Variants in ENTPD1 observed in about 807,000 individuals in gnomAD.
ENTPD1 encodes ATP diphosphohydrolase.
In ENTPD1, 33 loss-of-function variants were observed where a neutral mutation model predicts 57.0. The observed-to-expected ratio is 0.58, with a 90% CI of 0.44 to 0.77. ENTPD1 has a LOEUF of 0.77. ENTPD1 is among the 30% of genes least tolerant of loss of function. The pLI, the probability that ENTPD1 is intolerant of heterozygous loss-of-function variation, is 0.00. For missense variants in ENTPD1, 501 were observed against 603.4 expected, an observed-to-expected ratio of 0.83 and a Z score of 1.78; for synonymous variants, 202 against 218.8, an observed-to-expected ratio of 0.92 and a Z score of 0.68.
chr10:95,799,076 T>G (rs1015200152), intron 1 of ENTPD1, among the ~76,000 whole-genome samples: 1 of 152,214 alleles, frequency 6.6e-6, no homozygotes, highest in Admixed American at 6.5e-5. Context: ...AAGAATCATG[T>G]GAAACCAAAC....
At position 95,873,325 on chromosome 10, in the gene ENTPD1, A is replaced by G; in HGVS notation, c.*6942A>G. ...TATTTACAAAGCTCACTCCTCTTAT[A>G]CAACAATCCAAGTGTTTCTTTTGTC... On this transcript the variant is annotated 3_prime_UTR_variant, in exon 10 of 10. Transcript: ENST00000371205. 1 of 985,434 alleles carries G rather than the reference A, an allele frequency of 1.0e-6. No individual in the cohort carries two copies. The highest frequency in any genetic ancestry group is 1.2e-6 in the Non-Finnish European group (1 of 829,956). The allele number at this position is 985,434 out of a possible 1,614,324, so 61.0% of individuals were successfully genotyped here.
rs997120114 is a variant in ENTPD1, at chr10:95,869,969, C to T, written c.*3586C>T. On this transcript the variant is annotated 3_prime_UTR_variant, in exon 10 of 10. Transcript: ENST00000371205. Reference sequence around the variant, plus strand: ...GACAGCACATGTCCAAAAAAATACACGTAAAGTTAAAGTTTAAAAGACACA... The same window carrying T: ...GACAGCACATGTCCAAAAAAATACATGTAAAGTTAAAGTTTAAAAGACACA... 2.4e-5 allele frequency: 24 copies of T among 985,402 alleles called. No homozygotes were observed. The South Asian group carries it at 5.2e-4, about 21-fold the overall frequency. The allele number at this position is 985,402 out of a possible 1,614,324, so 61.0% of individuals were successfully genotyped here.
chr10:95,844,501 AG>A lies in ENTPD1; in HGVS notation c.442del (p.Val148PhefsTer51), dbSNP rs2098429918. The A allele has an allele frequency of 1.9e-6, 3 of 1,614,062 alleles. No homozygotes were observed. The highest frequency in any genetic ancestry group is 1.7e-5 in the Admixed American group (1 of 60,004). On this transcript the variant is annotated frameshift_variant, in exon 5 of 10. Coordinates refer to ENST00000371205, the MANE Select transcript of ENTPD1 (RefSeq NM_001776.6). LOFTEE classifies it high-confidence loss of function. ...LRMESEELAD[R>X]VLDVVERSLS... ...GATGGAAAGTGAAGAGTTGGCAGACAGGGTTCTGGATGTGGTGGAGAGGAGC... is the reference window on the plus strand; with the variant it reads ...GATGGAAAGTGAAGAGTTGGCAGACAGGTTCTGGATGTGGTGGAGAGGAGC...
chr10:95,820,713 G>A (rs190241260), intron 1 of ENTPD1, among the ~76,000 whole-genome samples: 12 of 152,160 alleles, frequency 7.9e-5, no homozygotes, highest in African/African-American at 2.2e-4. Flanking sequence ...CAATTCTACC[G>A]CAAGTCACTC....
At chr10:95,819,249 G>A (rs1234133066) in intron 1 of ENTPD1, among the ~76,000 whole-genome samples, 2 of 151,990 alleles carry the variant, frequency 1.3e-5, no homozygotes, top group Non-Finnish European at 2.9e-5. Flanking sequence ...CTACAACCTC[G>A]GTGTCCTGGG....
At chr10:95,831,323 C>T (rs2098396093) in intron 2 of ENTPD1, among the ~76,000 whole-genome samples, 1 of 152,186 alleles carries the variant, frequency 6.6e-6, no homozygotes, top group South Asian at 2.1e-4. Context: ...TAGAGTACAA[C>T]ACAACATGGG....
intron 2 of ENTPD1, 116 bp from the exon 3 acceptor site, chr10:95,839,575 T>C (rs2098418314): frequency 9.8e-7 from 1 of 1,023,968 alleles, no homozygotes; most frequent in South Asian, 1.3e-5. Context: ...CCCCTCAATG[T>C]TCCTCTCAAA....
intron 2 of ENTPD1, among the ~76,000 whole-genome samples, chr10:95,828,709 ATTTTT>A (rs5787162): frequency 7.6e-6 from 1 of 132,144 alleles, no homozygotes; most frequent in Admixed American, 7.8e-5. Context: ...GGTTATCCCC[ATTTTT>A]TTTTTTTTTT....
intron 2 of ENTPD1, among the ~76,000 whole-genome samples, chr10:95,827,454 C>CAA (rs544722117): frequency 2.1e-5 from 3 of 142,188 alleles, no homozygotes; most frequent in African/African-American, 5.1e-5. Context: ...GACTCTGTCT[C>CAA]AAAAAAAAAA....
chr10:95,845,717 C>A (rs1323645492), intron 6 of ENTPD1, 121 bp downstream of exon 6: 2 of 1,563,834 alleles, frequency 1.3e-6, no homozygotes, highest in East Asian at 2.3e-5. Flanking sequence ...CTTTCCAAAC[C>A]TTTTTAGGCA....
chr10:95,756,360 G>T lies in ENTPD1; in HGVS notation c.16+105G>T, dbSNP rs548342546. On this transcript the variant is annotated intron_variant, in intron 1 of 9. Coordinates refer to ENST00000371205, the MANE Select transcript of ENTPD1 (RefSeq NM_001776.6). ...AGTACTTGAAAGCTGGAGGCAAAAAGCCCTGAATGAACTTTCCCACCCTCT... is the reference window on the plus strand; with the variant it reads ...AGTACTTGAAAGCTGGAGGCAAAAATCCCTGAATGAACTTTCCCACCCTCT... The T allele has an allele frequency of 8.5e-6, 11 of 1,298,008 alleles. No homozygotes were observed. In the East Asian group the frequency reaches 2.8e-4, roughly 33 times the overall value. 80.4% of individuals were successfully genotyped at this position (1,298,008 alleles called of 1,614,324 possible). A position where few individuals can be genotyped will look rare whatever the true frequency, so the allele number is the denominator to read the frequency against.
At chr10:95,804,616 A>G (rs1427681178) in intron 1 of ENTPD1, among the ~76,000 whole-genome samples, 3 of 152,228 alleles carry the variant, frequency 2.0e-5, no homozygotes, top group African/African-American at 4.8e-5. Flanking sequence ...TAAATATACA[A>G]TCATGTCATC....
chr10:95,703,817 G>A, the ENTPD1 span, among the ~76,000 whole-genome samples: 2 of 144,590 alleles, frequency 1.4e-5, no homozygotes, highest in South Asian at 2.3e-4. Context: ...CTGACTGGGC[G>A]CAGTGGCTCA....
At chr10:95,762,030 AAAT>A (rs2098065809) in intron 1 of ENTPD1, among the ~76,000 whole-genome samples, 1 of 152,180 alleles carries the variant, frequency 6.6e-6, no homozygotes, top group African/African-American at 2.4e-5. Context: ...TGTGAAGAGA[AAAT>A]AAGTTGTTGG....
intron 1 of ENTPD1, among the ~76,000 whole-genome samples, chr10:95,788,717 G>A (rs367764907): frequency 9.9e-5 from 15 of 152,082 alleles, no homozygotes; most frequent in Admixed American, 3.9e-4. Context: ...TGAGAAAAGC[G>A]AAAAGCAGTT....
chr10:95,709,903 G>A (rs1232012550), upstream of ENTPD1, among the ~76,000 whole-genome samples: 1 of 151,460 alleles, frequency 6.6e-6, no homozygotes, highest in Non-Finnish European at 1.5e-5. Context: ...CCCCCCACCA[G>A]TAGCTGGGAT....
upstream of ENTPD1, chr10:95,755,752 C>T: frequency 2.6e-6 from 4 of 1,537,072 alleles, no homozygotes; most frequent in Non-Finnish European, 3.5e-6. Context: ...TTCAGTTTTT[C>T]GAGCGGGTTT....
At chr10:95,724,316 A>G (rs1009631470) in intron 1 of ENTPD1, among the ~76,000 whole-genome samples, 2 of 152,162 alleles carry the variant, frequency 1.3e-5, no homozygotes, top group African/African-American at 4.8e-5. Flanking sequence ...AGCAAGTGAA[A>G]GTGGTCCAAT....
chr10:95,756,142 G>GT (rs1443498472), upstream of ENTPD1: 1 of 1,552,582 alleles, frequency 6.4e-7, no homozygotes, highest in Non-Finnish European at 8.7e-7. Context: ...TTATATCTCT[G>GT]TTTCCTTGAG....
Sources: allele counts gnomAD v4.1 joint callset (sites outside exome capture counted in the v4.1 genomes callset), GRCh38; gene constraint gnomAD v4.1.1; transcripts MANE v1.5; gene names NCBI Gene and HGNC (gene_info 2026-07-23, HGNC 2026-07-21).